RMDN2: variants seen among roughly 807,000 people sequenced by gnomAD.
RMDN2 encodes the protein regulator of microtubule dynamics protein 2.
In RMDN2, 61 loss-of-function variants were observed where a neutral mutation model predicts 52.8. That is an observed-to-expected ratio of 1.16 (90% CI 0.94 to 1.43). The LOEUF (loss-of-function observed/expected upper bound fraction) is 1.43, where lower values mean the gene tolerates loss of function less well. RMDN2 is among the 40% of genes most tolerant of loss of function. The pLI, the probability that RMDN2 is intolerant of heterozygous loss-of-function variation, is 0.00. For synonymous variants in RMDN2, 180 were observed against 153.1 expected (o/e 1.18, Z -1.30); for missense variants, 592 against 475.3 (o/e 1.25, Z -2.28).
intron 7 of RMDN2, among the ~76,000 whole-genome samples, chr2:37,994,296 A>T (rs188079504): frequency 6.6e-6 from 1 of 152,362 alleles, no homozygotes; most frequent in African/African-American, 2.4e-5. Flanking sequence ...GATGAGCAGC[A>T]TGAGCAAAAT....
intron 8 of RMDN2, among the ~76,000 whole-genome samples, chr2:38,002,345 C>T (rs1039396410): frequency 2.6e-5 from 4 of 151,998 alleles, no homozygotes; most frequent in South Asian, 2.1e-4. Flanking sequence ...ATAATGAAAA[C>T]GGAGAATAAA....
rs573895586 is a variant in RMDN2 at position 38,060,858 on chromosome 2, A to G, written c.1714-6124A>G. 1.8e-4 allele frequency among the ~76,000 whole-genome samples: 28 copies of G among 152,292 alleles called. No homozygotes were observed. In the South Asian group the frequency reaches 4.8e-3, roughly 26 times the overall value. ...CACCAGGGGATGGGAGATCCCCCCA[A>G]ACAGAACACGAGGCTGCCTGCTTTT... On this transcript the variant is annotated intron_variant, in intron 10 of 10. Coordinates refer to the RMDN2 transcript ENST00000234195.
chr2:37,963,443 TC>T (rs1160115973), intron 2 of RMDN2, among the ~76,000 whole-genome samples: 1 of 152,016 alleles, frequency 6.6e-6, no homozygotes, highest in African/African-American at 2.4e-5. Context: ...TCTCTGGGTT[TC>T]CTAGGCAGAG....
Position 37,950,687 on chromosome 2 carries a change from T to C in RMDN2, c.452+20958T>C, listed in dbSNP as rs1262366334. 4.1e-6 allele frequency: 5 copies of C among 1,233,390 alleles called. No individual in the cohort carries two copies. In the African/African-American group the frequency reaches 7.4e-5, roughly 18 times the overall value. The allele number at this position is 1,233,390 out of a possible 1,614,324, so 76.4% of individuals were successfully genotyped here. A position where few individuals can be genotyped will look rare whatever the true frequency, so the allele number is the denominator to read the frequency against. The stretch of plus-strand genomic sequence containing the variant: ...TAGTGCTCTCCTTTGTTTCCCATAA[T>C]AACTGGATATCCTGGACTGTCCAGA... On this transcript the variant is annotated intron_variant, in intron 2 of 10. Transcript: ENST00000354545.
chr2:37,977,098 C>T (rs1299450692), intron 4 of RMDN2, among the ~76,000 whole-genome samples: 1 of 152,174 alleles, frequency 6.6e-6, no homozygotes, highest in Non-Finnish European at 1.5e-5. Flanking sequence ...GCACATCTTG[C>T]ACCGCCCTTA....
chr2:38,003,650 A>C (rs1233123198), intron 8 of RMDN2, among the ~76,000 whole-genome samples: 1 of 152,204 alleles, frequency 6.6e-6, no homozygotes, highest in Non-Finnish European at 1.5e-5. Flanking sequence ...TGTCCTAGGA[A>C]TATCACCAGT....
At chr2:37,986,356 T>G (rs1674018950) in intron 5 of RMDN2, among the ~76,000 whole-genome samples, 1 of 152,176 alleles carries the variant, frequency 6.6e-6, no homozygotes, top group Non-Finnish European at 1.5e-5. Flanking sequence ...ACGGGGTCAT[T>G]GGTAAATTCT....
At chr2:38,010,206 C>T (rs112978133) in intron 10 of RMDN2, among the ~76,000 whole-genome samples, 10,166 of 152,230 alleles carry the variant, frequency 0.067, 353 homozygotes, top group East Asian at 0.1. Context: ...TCTCCAGCTG[C>T]GTGCTGGGAG....
At chr2:38,062,749 A>T (rs1453881543) in intron 10 of RMDN2, among the ~76,000 whole-genome samples, 9 of 150,966 alleles carry the variant, frequency 6.0e-5, no homozygotes, top group East Asian at 2.0e-4. Context: ...GTATATCTCC[A>T]AATGCTATCC....
At chr2:37,966,713 T>G (rs115015796) in intron 2 of RMDN2, among the ~76,000 whole-genome samples, 1 of 152,166 alleles carries the variant, frequency 6.6e-6, no homozygotes, top group Non-Finnish European at 1.5e-5. Context: ...TGTTGGTCCC[T>G]TCCAGTAAAT....
intron 10 of RMDN2, among the ~76,000 whole-genome samples, chr2:38,006,400 T>A (rs1022742736): frequency 4.6e-5 from 7 of 152,236 alleles, no homozygotes; most frequent in African/African-American, 1.7e-4. Context: ...TTTGTAGTTC[T>A]CCTCGAAGAG....
At chr2:38,000,882 G>A (rs754332836) in intron 8 of RMDN2, among the ~76,000 whole-genome samples, 2 of 152,170 alleles carry the variant, frequency 1.3e-5, no homozygotes, top group Non-Finnish European at 2.9e-5. Context: ...GTGTCATATG[G>A]TATGTGCTTT....
Position 38,009,783 on chromosome 2 carries a change from G to A in RMDN2, c.1179+5567G>A, listed in dbSNP as rs571139654. 7.2e-5 allele frequency among the ~76,000 whole-genome samples: 11 copies of A among 152,230 alleles called. No homozygotes were observed. In the South Asian group the frequency reaches 8.3e-4, roughly 11 times the overall value. ...TGCATTCCTTTGGAGGAGGAGAGGC[G>A]CTCTGATTTTTAGAGTTTCCAGTTT... On this transcript the variant is annotated intron_variant, in intron 10 of 10. Coordinates refer to ENST00000354545, the MANE Select transcript of RMDN2 (RefSeq NM_001170791.3).
chr2:37,922,330 T>A (rs1291098208), upstream of RMDN2, among the ~76,000 whole-genome samples: 1 of 151,762 alleles, frequency 6.6e-6, no homozygotes, highest in African/African-American at 2.4e-5. Context: ...AATGAATAGT[T>A]AACTATATAG....
At chr2:38,021,244 C>A (rs890514426), downstream of RMDN2, among the ~76,000 whole-genome samples, 1 of 152,108 alleles carries the variant, frequency 6.6e-6, no homozygotes. Context: ...CCAATCAGCA[C>A]CCTGTCAAAA....
intron 2 of RMDN2, among the ~76,000 whole-genome samples, chr2:37,936,967 T>G (rs1159410240): frequency 2.0e-5 from 3 of 152,182 alleles, no homozygotes; most frequent in African/African-American, 7.2e-5. Flanking sequence ...AAGTCTTTGC[T>G]CATGCCTATG....
At chr2:37,970,134 T>TA (rs1671602129) in intron 2 of RMDN2, among the ~76,000 whole-genome samples, 1 of 152,172 alleles carries the variant, frequency 6.6e-6, no homozygotes, top group Non-Finnish European at 1.5e-5. Flanking sequence ...TGTTTTGCCA[T>TA]GTTGTGCAGG....
intron 10 of RMDN2, among the ~76,000 whole-genome samples, chr2:38,043,230 T>C (rs1558583296): frequency 6.6e-6 from 1 of 152,346 alleles, no homozygotes; most frequent in East Asian, 1.9e-4. Flanking sequence ...TTGTCCCCTT[T>C]AAAATTATGT....
chr2:37,950,538 C>A, intron 2 of RMDN2: 2 of 1,612,860 alleles, frequency 1.2e-6, no homozygotes, highest in East Asian at 4.5e-5. Context: ...GGATGACGGC[C>A]TAGAAGGGAA....
Sources: allele counts gnomAD v4.1 joint callset (sites outside exome capture counted in the v4.1 genomes callset), GRCh38; gene constraint gnomAD v4.1.1; transcripts MANE v1.5; gene names NCBI Gene and HGNC (gene_info 2026-07-23, HGNC 2026-07-21).